HDX: variants seen among roughly 807,000 people sequenced by gnomAD.
The protein encoded by HDX is highly divergent homeobox.
HDX carries 19 observed loss-of-function variants against 45.2 expected under a neutral mutation model. The ratio of observed to expected loss-of-function variants is 0.42; its 90% CI spans 0.29 to 0.62. The LOEUF (loss-of-function observed/expected upper bound fraction) is 0.62, where lower values mean the gene tolerates loss of function less well. Among genes scored for constraint, HDX ranks in the 20% least tolerant of loss-of-function variants. The probability of loss-of-function intolerance (pLI) is 0.20; values close to 1 mark genes in which losing one functional copy is unlikely to be tolerated. For missense variants in HDX, 532 were observed against 493.9 expected (o/e 1.08, Z -0.73); for synonymous variants, 188 against 172.8 (o/e 1.09, Z -0.69).
chrX:84,323,767 T>A (rs1029073167), intron 10 of HDX, among the ~76,000 whole-genome samples: 3 of 112,359 alleles, frequency 2.7e-5, no homozygotes, highest in Non-Finnish European at 5.7e-5. Context: ...TGGAACTGCC[T>A]TTTTCACAGA....
At chrX:84,471,624 G>A (rs2040457705) in intron 3 of HDX, among the ~76,000 whole-genome samples, 1 of 109,210 alleles carries the variant, frequency 9.2e-6, no homozygotes, top group Non-Finnish European at 1.9e-5. Context: ...TACATGTAGT[G>A]GTTAGAAACT....
In HDX at chrX:84,344,379, A is replaced by C. The variant is rs1441517735; in HGVS notation, c.1531T>G (p.Phe511Val). The change falls in exon 7 of 11, where the codon TTC becomes GTC. Residue 511 changes from phenylalanine to valine, a missense_variant. Transcript: ENST00000373177. ...GAACCAGACTCAGGCTGCTCAGAGA[A>C]ATCAGCAGGGCCTCCTCTTGGAGGT... ...VPPPRGGPADFSEQPESGSLS... is the reference protein window; with the variant it reads ...VPPPRGGPADVSEQPESGSLS... 8.3e-7 allele frequency: 1 copy of C among 1,204,110 alleles called. No homozygotes were observed. The highest frequency in any genetic ancestry group is 1.8e-5 in the African/African-American group (1 of 56,889).
chrX:84,464,031 G>A (rs141231741), intron 4 of HDX, among the ~76,000 whole-genome samples: 2,453 of 111,127 alleles, frequency 0.022, 38 homozygotes, highest in Non-Finnish European at 0.031. Flanking sequence ...AAGATAAGTG[G>A]TGTAACACAG....
At chrX:84,420,334 A>G (rs1358177735) in intron 5 of HDX, among the ~76,000 whole-genome samples, 2 of 112,160 alleles carry the variant, frequency 1.8e-5, no homozygotes, top group Non-Finnish European at 3.8e-5. Context: ...GAAAAATGCA[A>G]TGGGCATACT....
At chrX:84,486,628 C>T (rs971026029) in intron 2 of HDX, among the ~76,000 whole-genome samples, 3 of 109,780 alleles carry the variant, frequency 2.7e-5, no homozygotes, top group Non-Finnish European at 3.8e-5. Context: ...CTATAGGAAT[C>T]GGGGTTGACT....
At chrX:84,423,881 A>C (rs974609644) in intron 5 of HDX, among the ~76,000 whole-genome samples, 1 of 111,493 alleles carries the variant, frequency 9.0e-6, no homozygotes, top group Non-Finnish European at 1.9e-5. Flanking sequence ...ATGGGGAAAA[A>C]CCGAAAGATT....
intron 4 of HDX, among the ~76,000 whole-genome samples, chrX:84,443,268 T>C (rs1889395728): frequency 9.0e-6 from 1 of 111,419 alleles, no homozygotes; most frequent in Non-Finnish European, 1.9e-5. Flanking sequence ...GAAGCTTTAT[T>C]TGGTGAAATA....
chrX:84,347,275 G>C (rs2037229708), intron 6 of HDX, among the ~76,000 whole-genome samples: 1 of 109,817 alleles, frequency 9.1e-6, no homozygotes, highest in African/African-American at 3.3e-5. Flanking sequence ...GTTCACTGTA[G>C]CCTTGAACTC....
chrX:84,422,973 TAAAC>T (rs1048298844), intron 5 of HDX, among the ~76,000 whole-genome samples: 2 of 110,319 alleles, frequency 1.8e-5, no homozygotes, highest in African/African-American at 6.6e-5. Context: ...TTTGAAAAGT[TAAAC>T]AAAATTGACA....
Position 84,319,043 on chromosome X carries a change from T to C in HDX, c.*2846A>G, listed in dbSNP as rs897444705. On this transcript the variant is annotated 3_prime_UTR_variant, in exon 11 of 11. Coordinates refer to ENST00000373177, the MANE Select transcript of HDX (RefSeq NM_001177479.2). ...TGTACACATTTTGGAAGGTAAGTGC[T>C]CTTACATACACATTTCTGGCTTAAA... 1.8e-5 allele frequency: 2 copies of C among 111,281 alleles called. No individual in the cohort carries two copies. The highest frequency in any genetic ancestry group is 3.8e-5 in the Non-Finnish European group (2 of 52,558). The allele number at this position is 111,281 out of a possible 1,213,427, so 9.2% of individuals were successfully genotyped here.
chrX:84,443,286 T>C (rs750122446), intron 4 of HDX, among the ~76,000 whole-genome samples: 17 of 111,480 alleles, frequency 1.5e-4, no homozygotes, highest in African/African-American at 5.2e-4. Context: ...ATATTGATGG[T>C]ATATTTCTCA....
At chrX:84,375,093 C>T (rs1318178731) in intron 5 of HDX, among the ~76,000 whole-genome samples, 18 of 102,682 alleles carry the variant, frequency 1.8e-4, no homozygotes, top group African/African-American at 6.6e-4. Context: ...AGGATATGAA[C>T]AGACACTTCT....
chrX:84,379,491 A>T (rs973830671), intron 5 of HDX, among the ~76,000 whole-genome samples: 4 of 111,297 alleles, frequency 3.6e-5, no homozygotes, highest in Non-Finnish European at 5.7e-5. Context: ...ATCACAAAAG[A>T]CACCTTAAAA....
chrX:84,405,588 C>CTTTTTTTTTTT (rs55758874), intron 5 of HDX, among the ~76,000 whole-genome samples: 7 of 58,202 alleles, frequency 1.2e-4, no homozygotes, highest in African/African-American at 1.9e-4. Flanking sequence ...GGATTTTCTG[C>CTTTTTTTTTTT]TTTTTTTTTT....
At chrX:84,411,526 T>C (rs1214816625) in intron 5 of HDX, among the ~76,000 whole-genome samples, 1 of 111,889 alleles carries the variant, frequency 8.9e-6, no homozygotes, top group East Asian at 2.8e-4. Context: ...TCCTAGAGTG[T>C]GATCCTAGAG....
At chrX:84,420,468 AC>A in intron 5 of HDX, among the ~76,000 whole-genome samples, 1 of 111,476 alleles carries the variant, frequency 9.0e-6, no homozygotes, top group East Asian at 2.8e-4. Flanking sequence ...GAAAAGAAAA[AC>A]AATAAAGCAC....
intron 4 of HDX, among the ~76,000 whole-genome samples, chrX:84,445,472 A>G (rs1381888012): frequency 9.0e-6 from 1 of 110,746 alleles, no homozygotes. Context: ...TGCTGGGCAT[A>G]TGATAGCACT....
Position 84,448,426 on chromosome X carries a change from T to C in HDX, c.1252-7841A>G, listed in dbSNP as rs971700198. Among the ~76,000 whole-genome samples, 7 of 111,205 alleles carry C rather than the reference T, an allele frequency of 6.3e-5. No individual in the cohort carries two copies. The Admixed American group carries it at 6.7e-4, about 11-fold the overall frequency. ...GGCCCAAGGACAAGCAGACTCAGCTTGCCACAGCCACTGAGGCCCATCTGA... is the reference window on the plus strand; with the variant it reads ...GGCCCAAGGACAAGCAGACTCAGCTCGCCACAGCCACTGAGGCCCATCTGA... On this transcript the variant is annotated intron_variant, in intron 4 of 10. Coordinates refer to ENST00000373177, the MANE Select transcript of HDX (RefSeq NM_001177479.2).
At chrX:84,498,277 T>C (rs894078606) in intron 1 of HDX, among the ~76,000 whole-genome samples, 1 of 111,827 alleles carries the variant, frequency 8.9e-6, no homozygotes, top group Non-Finnish European at 1.9e-5. Flanking sequence ...TCCAGGCAAT[T>C]TTGCCACTAG....
Sources: gnomAD v4.1 joint callset for allele counts (sites outside exome capture counted in the v4.1 genomes callset) on GRCh38, gnomAD v4.1.1 for gene constraint, MANE v1.5 for transcripts, NCBI Gene and HGNC (gene_info 2026-07-23, HGNC 2026-07-21) for gene names.